Variants in CTIF observed in about 807,000 individuals in gnomAD.
CTIF encodes CBP80/20-dependent translation initiation factor.
In CTIF, 21 loss-of-function variants were observed where a neutral mutation model predicts 66.0. That is an observed-to-expected ratio of 0.32 (90% CI 0.23 to 0.46). CTIF has a LOEUF of 0.46. Ranked by LOEUF, CTIF falls within the 20% of genes least tolerant of loss-of-function variation. The pLI is 1.00. For missense variants in CTIF, 739 were observed against 812.7 expected (o/e 0.91, Z 1.10); for synonymous variants, 345 against 326.4 (o/e 1.06, Z -0.62).
At chr18:48,841,147 C>T (rs899288837) in intron 10 of CTIF, among the ~76,000 whole-genome samples, 23 of 152,120 alleles carry the variant, frequency 1.5e-4, no homozygotes, top group African/African-American at 5.1e-4. Context: ...TTTAAGAGGG[C>T]ACCTGGTTAA....
intron 7 of CTIF, among the ~76,000 whole-genome samples, chr18:48,718,729 A>G (rs542889321): frequency 5.3e-5 from 8 of 152,306 alleles, no homozygotes; most frequent in African/African-American, 1.9e-4. Flanking sequence ...CTTACCAGCT[A>G]ACTGGGCACC....
intron 9 of CTIF, among the ~76,000 whole-genome samples, chr18:48,766,514 C>T (rs534337584): frequency 3.0e-4 from 45 of 152,338 alleles, no homozygotes; most frequent in African/African-American, 1.0e-3. Context: ...CATGAGAACA[C>T]AGCAGGCAGG....
chr18:48,627,224 G>T (rs299709), intron 2 of CTIF, among the ~76,000 whole-genome samples: 15,280 of 152,160 alleles, frequency 0.1, 928 homozygotes, highest in Non-Finnish European at 0.13. Context: ...CTGCTAGGTG[G>T]TAAAATATAA....
At chr18:48,717,563 A>G (rs2092294321) in intron 7 of CTIF, among the ~76,000 whole-genome samples, 1 of 152,122 alleles carries the variant, frequency 6.6e-6, no homozygotes, top group South Asian at 2.1e-4. Flanking sequence ...CACTGATAAA[A>G]ACAAACAGGA....
chr18:48,621,151 C>T (rs1350041835), intron 2 of CTIF, among the ~76,000 whole-genome samples: 8 of 152,174 alleles, frequency 5.3e-5, no homozygotes, highest in Non-Finnish European at 8.8e-5. Context: ...AAGCCCTGCC[C>T]TCATGGACTG....
At chr18:48,729,783 T>TG (rs922966600) in intron 7 of CTIF, among the ~76,000 whole-genome samples, 3 of 152,122 alleles carry the variant, frequency 2.0e-5, no homozygotes, top group African/African-American at 7.2e-5. Flanking sequence ...CCAGATATGG[T>TG]GGGGGTTCAG....
At chr18:48,793,479 G>A (rs2067839030) in intron 9 of CTIF, among the ~76,000 whole-genome samples, 1 of 152,172 alleles carries the variant, frequency 6.6e-6, no homozygotes, top group Admixed American at 6.5e-5. Flanking sequence ...TCTGTAATGT[G>A]GTGCCAGCAG....
chr18:48,606,257 T>A lies in CTIF; in HGVS notation c.-28-13281T>A, dbSNP rs141825723. Among the ~76,000 whole-genome samples, 1,341 of 152,304 alleles carry A rather than the reference T, an allele frequency of 8.8e-3. 15 individuals are homozygous for A. Among genetic ancestry groups the A allele is most frequent in the African/African-American group, 0.031 (1,290 of 41,560 alleles). On this transcript the variant is annotated intron_variant, in intron 1 of 11. Coordinates refer to ENST00000256413, the MANE Select transcript of CTIF (RefSeq NM_014772.3). Reference sequence around the variant, plus strand: ...ATCTCAGCTCAACCTGGGGGCAACGTTCAGTGACTCATTGGTTCATGCCAC... The same window carrying A: ...ATCTCAGCTCAACCTGGGGGCAACGATCAGTGACTCATTGGTTCATGCCAC...
chr18:48,789,508 C>T (rs2067745977), intron 9 of CTIF, among the ~76,000 whole-genome samples: 1 of 152,220 alleles, frequency 6.6e-6, no homozygotes, highest in Non-Finnish European at 1.5e-5. Context: ...TTTGATTCAT[C>T]AGGTGTGCAC....
intron 7 of CTIF, among the ~76,000 whole-genome samples, chr18:48,732,895 G>C (rs923093601): frequency 1.4e-4 from 22 of 152,154 alleles, no homozygotes; most frequent in Non-Finnish European, 2.1e-4. Flanking sequence ...ATTCATTCGC[G>C]TTTTCAATAG....
intron 1 of CTIF, among the ~76,000 whole-genome samples, chr18:48,573,920 C>A (rs548629992): frequency 5.9e-5 from 9 of 152,366 alleles, no homozygotes; most frequent in African/African-American, 2.2e-4. Context: ...CCCTCTGACA[C>A]CCCTGGTGGC....
intron 5 of CTIF, among the ~76,000 whole-genome samples, chr18:48,665,150 A>G (rs1325083812): frequency 6.6e-6 from 1 of 151,562 alleles, no homozygotes; most frequent in Non-Finnish European, 1.5e-5. Flanking sequence ...TCCTGACCTC[A>G]TGATCCACCC....
intron 1 of CTIF, among the ~76,000 whole-genome samples, chr18:48,582,461 T>G (rs1223345744): frequency 6.6e-6 from 1 of 152,132 alleles, no homozygotes; most frequent in Non-Finnish European, 1.5e-5. Context: ...GGGGGCCTCA[T>G]GCACATGAGG....
At chr18:48,567,701 CAG>C (rs2089309272) in intron 1 of CTIF, 1 of 152,176 alleles carries the variant, frequency 6.6e-6, no homozygotes, top group African/African-American at 2.4e-5. Flanking sequence ...GAGTTAGTAA[CAG>C]GGGAGCATGG....
chr18:48,754,850 T>C (rs1568190242), intron 7 of CTIF, among the ~76,000 whole-genome samples: 1 of 152,172 alleles, frequency 6.6e-6, no homozygotes, highest in Non-Finnish European at 1.5e-5. Flanking sequence ...GAATTCCAGG[T>C]CCCTCCAGAT....
intron 9 of CTIF, among the ~76,000 whole-genome samples, chr18:48,776,765 G>T (rs933330782): frequency 6.6e-6 from 1 of 152,254 alleles, no homozygotes; most frequent in African/African-American, 2.4e-5. Context: ...CCCACTGCGG[G>T]TGGGAAGAGA....
At chr18:48,780,648 A>G (rs1911117168) in intron 9 of CTIF, among the ~76,000 whole-genome samples, 1 of 152,174 alleles carries the variant, frequency 6.6e-6, no homozygotes, top group Non-Finnish European at 1.5e-5. Flanking sequence ...TTCATGTAGC[A>G]TGCATCAAGA....
chr18:48,738,024 C>G (rs2092519167), intron 7 of CTIF, among the ~76,000 whole-genome samples: 1 of 152,212 alleles, frequency 6.6e-6, no homozygotes. Context: ...GTTGCATTTC[C>G]AAAACCAAGC....
chr18:48,780,591 C>T (rs772625681), intron 9 of CTIF, among the ~76,000 whole-genome samples: 13 of 152,128 alleles, frequency 8.5e-5, no homozygotes, highest in Non-Finnish European at 1.8e-4. Flanking sequence ...GCGAGCTTGG[C>T]GGGGCACTGT....
Sources: allele counts gnomAD v4.1 joint callset (sites outside exome capture counted in the v4.1 genomes callset), GRCh38; gene constraint gnomAD v4.1.1; transcripts MANE v1.5; gene names NCBI Gene and HGNC (gene_info 2026-07-23, HGNC 2026-07-21).